PACRG: variants seen among roughly 807,000 people sequenced by gnomAD.
PACRG encodes the protein parkin coregulated.
Under a neutral mutation model 29.7 loss-of-function variants are expected in PACRG, and 29 were observed. The ratio of observed to expected loss-of-function variants is 0.98; its 90% CI spans 0.73 to 1.33. The LOEUF is 1.33. Among genes scored for constraint, PACRG ranks in the 40% most tolerant of loss-of-function variants. PACRG has a pLI of 0.00. For missense variants in PACRG, 279 were observed against 316.2 expected (o/e 0.88, Z 0.89); for synonymous variants, 116 against 118.7 (o/e 0.98, Z 0.15).
chr6:162,883,242 G>A (rs867351631), intron 2 of PACRG, among the ~76,000 whole-genome samples: 3 of 151,698 alleles, frequency 2.0e-5, no homozygotes, highest in Non-Finnish European at 2.9e-5. Flanking sequence ...CTGATGTTAC[G>A]TAAACTGTCT....
intron 4 of PACRG, among the ~76,000 whole-genome samples, chr6:163,145,942 G>A (rs1356711910): frequency 1.3e-5 from 2 of 152,168 alleles, no homozygotes; most frequent in East Asian, 1.9e-4. Context: ...CTTCACTTAC[G>A]AATGTAACCT....
chr6:162,902,805 A>G (rs1371170933), intron 2 of PACRG, among the ~76,000 whole-genome samples: 1 of 152,196 alleles, frequency 6.6e-6, no homozygotes, highest in Non-Finnish European at 1.5e-5. Flanking sequence ...TGAATCTCCC[A>G]AAAAGGAAAT....
At chr6:163,132,481 T>C (rs957227916) in intron 4 of PACRG, among the ~76,000 whole-genome samples, 3 of 152,236 alleles carry the variant, frequency 2.0e-5, no homozygotes, top group South Asian at 2.1e-4. Flanking sequence ...CAGAATGTGA[T>C]TCTTTCTATA....
At chr6:163,034,213 A>G (rs555595427) in intron 2 of PACRG, among the ~76,000 whole-genome samples, 131 of 152,336 alleles carry the variant, frequency 8.6e-4, no homozygotes, top group African/African-American at 3.1e-3. Flanking sequence ...GATCTTTTCC[A>G]GCAGTCTCAT....
chr6:162,876,164 C>T (rs1467571534), intron 2 of PACRG, among the ~76,000 whole-genome samples: 1 of 152,088 alleles, frequency 6.6e-6, no homozygotes, highest in African/African-American at 2.4e-5. Flanking sequence ...ATAGGGGGTT[C>T]CTCTCCAAAG....
chr6:163,262,584 T>C (rs975458135), intron 4 of PACRG, among the ~76,000 whole-genome samples: 1 of 152,058 alleles, frequency 6.6e-6, no homozygotes, highest in Non-Finnish European at 1.5e-5. Flanking sequence ...GTGAGAATGA[T>C]TTGTGGTTGA....
chr6:163,243,357 C>A (rs955465755), intron 4 of PACRG, among the ~76,000 whole-genome samples: 5 of 152,206 alleles, frequency 3.3e-5, no homozygotes, highest in African/African-American at 1.2e-4. Flanking sequence ...AGAAATGTGT[C>A]CAGCGTGTGA....
intron 2 of PACRG, among the ~76,000 whole-genome samples, chr6:162,983,585 C>A (rs762001877): frequency 1.3e-5 from 2 of 151,792 alleles, no homozygotes; most frequent in Non-Finnish European, 1.5e-5. Flanking sequence ...TTGCTGGATA[C>A]GATATTCTTG....
chr6:163,049,630 C>G (rs1207561296), intron 2 of PACRG, among the ~76,000 whole-genome samples: 1 of 151,668 alleles, frequency 6.6e-6, no homozygotes, highest in Non-Finnish European at 1.5e-5. Flanking sequence ...GAAAAAATGG[C>G]AAAAGATAAG....
intron 4 of PACRG, among the ~76,000 whole-genome samples, chr6:163,216,927 C>G (rs1781385775): frequency 6.6e-6 from 1 of 152,196 alleles, no homozygotes; most frequent in Non-Finnish European, 1.5e-5. Flanking sequence ...ATTAAATCCT[C>G]CAATAATCCA....
At chr6:163,225,397 C>A (rs1254834937) in intron 4 of PACRG, among the ~76,000 whole-genome samples, 1 of 152,210 alleles carries the variant, frequency 6.6e-6, no homozygotes, top group East Asian at 1.9e-4. Context: ...TAGCTCCTCA[C>A]TCCCTCTCTC....
At chr6:163,006,125 T>TATATATTATATATTATTATATATA (rs555487750) in intron 2 of PACRG, among the ~76,000 whole-genome samples, 56 of 143,232 alleles carry the variant, frequency 3.9e-4, no homozygotes, top group African/African-American at 6.6e-4. Context: ...ACAAAACCCA[T>TATATATTATATATTATTATATATA]ATATATTATA....
intron 4 of PACRG, among the ~76,000 whole-genome samples, chr6:163,118,001 A>T (rs1816092180): frequency 6.6e-6 from 1 of 152,194 alleles, no homozygotes; most frequent in Admixed American, 6.5e-5. Context: ...TGACTTAAGC[A>T]TTCCGTCTTA....
chr6:162,999,737 T>C (rs147232266), intron 2 of PACRG, among the ~76,000 whole-genome samples: 34 of 152,358 alleles, frequency 2.2e-4, no homozygotes, highest in Non-Finnish European at 3.7e-4. Context: ...CCACTATACA[T>C]GACTCATTTT....
chr6:163,150,673 AC>A (rs1778045208), intron 4 of PACRG, among the ~76,000 whole-genome samples: 1 of 152,134 alleles, frequency 6.6e-6, no homozygotes, highest in South Asian at 2.1e-4. Flanking sequence ...TCCTACCCGT[AC>A]CCGGGTCATG....
intron 2 of PACRG, among the ~76,000 whole-genome samples, chr6:162,885,266 C>CT (rs1174327468): frequency 8.2e-4 from 107 of 130,462 alleles, no homozygotes; most frequent in Middle Eastern, 4.1e-3. Context: ...CTTTCTTTCT[C>CT]TTTTTTTTTT....
chr6:162,743,483 A>G (rs1383918644), intron 1 of PACRG, among the ~76,000 whole-genome samples: 1 of 152,056 alleles, frequency 6.6e-6, no homozygotes, highest in Non-Finnish European at 1.5e-5. Flanking sequence ...TATGACCAAT[A>G]TATTCTCATT....
intron 2 of PACRG, among the ~76,000 whole-genome samples, chr6:162,861,908 T>A (rs1003007123): frequency 2.0e-5 from 3 of 152,156 alleles, no homozygotes; most frequent in Admixed American, 2.0e-4. Flanking sequence ...AGAGTGGGAT[T>A]TCTGTATCTG....
chr6:163,269,701 C>T (rs1295535751), intron 4 of PACRG, among the ~76,000 whole-genome samples: 1 of 148,548 alleles, frequency 6.7e-6, no homozygotes, highest in Non-Finnish European at 1.5e-5. Context: ...TTCAAGTATC[C>T]ATATGAAAGA....
Sources: gnomAD v4.1 joint callset for allele counts (sites outside exome capture counted in the v4.1 genomes callset) on GRCh38, gnomAD v4.1.1 for gene constraint, MANE v1.5 for transcripts, NCBI Gene and HGNC (gene_info 2026-07-23, HGNC 2026-07-21) for gene names.